Variants in GPR160 observed in about 807,000 individuals in gnomAD.
GPR160 encodes the protein probable G protein-coupled receptor 160.
In GPR160, 2 loss-of-function variants were observed where a neutral mutation model predicts 2.6. That is an observed-to-expected ratio of 0.77 (90% CI 0.32 to 2.44). GPR160 has a LOEUF of 2.44. Ranked by LOEUF, GPR160 falls within the 30% of genes most tolerant of loss-of-function variation. The probability of loss-of-function intolerance (pLI) is 0.11; values close to 1 mark genes in which losing one functional copy is unlikely to be tolerated. For synonymous variants in GPR160, 130 were observed against 132.2 expected (o/e 0.98, Z 0.12); for missense variants, 351 against 383.6 (o/e 0.91, Z 0.71).
intron 2 of GPR160, among the ~76,000 whole-genome samples, chr3:170,058,323 C>A (rs1052255800): frequency 3.9e-5 from 6 of 152,178 alleles, no homozygotes; most frequent in African/African-American, 1.4e-4. Flanking sequence ...TGCTTTCCCA[C>A]AGGAAGTGGG....
chr3:170,070,766 C>G (rs1364945554), intron 2 of GPR160, among the ~76,000 whole-genome samples: 1 of 152,106 alleles, frequency 6.6e-6, no homozygotes. Context: ...TGAGAAGGAA[C>G]ATTTGTTTAA....
Position 170,084,264 on chromosome 3 carries a change from A to G in GPR160, c.292A>G (p.Thr98Ala), listed in dbSNP as rs752908305. 6.2e-7 allele frequency: 1 copy of G among 1,608,544 alleles called. No individual in the cohort carries two copies. Among genetic ancestry groups the G allele is most frequent in the African/African-American group, 1.3e-5 (1 of 74,896 alleles). Residue 98 changes from threonine to alanine, a missense_variant, in exon 4 of 4, where the codon ACT becomes GCT. Coordinates refer to ENST00000355897, the MANE Select transcript of GPR160 (RefSeq NM_014373.3). Reference protein sequence around the residue: ...RFTKYHICLFTQIISFTYGFL... With the variant: ...RFTKYHICLFAQIISFTYGFL... The stretch of plus-strand genomic sequence containing the variant: ...CACTAAATACCACATCTGCCTATTT[A>G]CTCAAATTATTTCCTTTACTTATGG...
At chr3:170,073,878 G>T (rs1712719882) in intron 2 of GPR160, among the ~76,000 whole-genome samples, 1 of 145,756 alleles carries the variant, frequency 6.9e-6, no homozygotes, top group Non-Finnish European at 1.5e-5. Context: ...TTCTTTAATA[G>T]GGATTTTTTT....
Position 170,059,841 on chromosome 3 carries a change from C to G in GPR160, c.-192-19933C>G, listed in dbSNP as rs190298710. Among the ~76,000 whole-genome samples the G allele has an allele frequency of 1.4e-4, 22 of 152,218 alleles. No individual in the cohort carries two copies. The South Asian group carries it at 3.5e-3, about 24-fold the overall frequency. ...TTTTTCCTGATGCTTTTCTTCCCCC[C>G]ACTCCCCCCTCTAGCAGGCCCAAGT... On this transcript the variant is annotated intron_variant, in intron 2 of 3. Transcript: ENST00000355897.
chr3:170,049,693 A>G (rs1716872818), intron 2 of GPR160, among the ~76,000 whole-genome samples: 1 of 152,076 alleles, frequency 6.6e-6, no homozygotes, highest in Non-Finnish European at 1.5e-5. Context: ...GACCTGGGGG[A>G]ATGGAAAGGA....
intron 2 of GPR160, among the ~76,000 whole-genome samples, chr3:170,064,191 C>T (rs575380656): frequency 2.7e-4 from 41 of 152,272 alleles, no homozygotes; most frequent in Admixed American, 1.1e-3. Flanking sequence ...CCAGAAATTA[C>T]GTACTTAATA....
At chr3:170,073,992 GATT>G (rs1712730118) in intron 2 of GPR160, among the ~76,000 whole-genome samples, 1 of 148,108 alleles carries the variant, frequency 6.8e-6, no homozygotes, top group East Asian at 2.0e-4. Flanking sequence ...GGGTTCAAGT[GATT>G]CTCCTGCCTC....
chr3:170,046,587 A>G (rs1262502657), intron 2 of GPR160, among the ~76,000 whole-genome samples: 3 of 152,198 alleles, frequency 2.0e-5, no homozygotes, highest in Non-Finnish European at 4.4e-5. Flanking sequence ...CAGACACAGC[A>G]AAGTACAATG....
intron 2 of GPR160, among the ~76,000 whole-genome samples, chr3:170,075,440 G>C (rs973958587): frequency 2.6e-5 from 4 of 152,008 alleles, no homozygotes; most frequent in Non-Finnish European, 5.9e-5. Flanking sequence ...ATGAGGAATG[G>C]CATTAGTCAG....
At chr3:170,064,514 C>CTTT (rs1175382810) in intron 2 of GPR160, among the ~76,000 whole-genome samples, 1,658 of 80,884 alleles carry the variant, frequency 0.02, 54 homozygotes, top group Admixed American at 0.049. Context: ...CTTTTCTTTT[C>CTTT]TTTTTTTTTT....
intron 2 of GPR160, among the ~76,000 whole-genome samples, chr3:170,073,523 C>T (rs1314865169): frequency 6.6e-6 from 1 of 152,144 alleles, no homozygotes; most frequent in African/African-American, 2.4e-5. Context: ...ATCTGCGTCT[C>T]TTCAGGTGAT....
chr3:170,065,867 G>C (rs1712301479), intron 2 of GPR160, among the ~76,000 whole-genome samples: 1 of 151,852 alleles, frequency 6.6e-6, no homozygotes, highest in African/African-American at 2.4e-5. Context: ...ATGTACTGAA[G>C]TCTTCATCTC....
chr3:170,066,355 GGTCTCAATCT>G (rs1417332830), intron 2 of GPR160, among the ~76,000 whole-genome samples: 3 of 151,776 alleles, frequency 2.0e-5, no homozygotes, highest in Admixed American at 2.0e-4. Flanking sequence ...TAGCCAGGAT[GGTCTCAATCT>G]CCTGACCTCA....
At chr3:170,071,386 T>A (rs774418093) in intron 2 of GPR160, among the ~76,000 whole-genome samples, 6 of 152,208 alleles carry the variant, frequency 3.9e-5, no homozygotes, top group Non-Finnish European at 7.4e-5. Context: ...GTGAGATGCC[T>A]GTTCCCCTTT....
In GPR160 at chr3:170,085,051, G is replaced by A; in HGVS notation, c.*62G>A. 6.8e-6 allele frequency: 6 copies of A among 878,100 alleles called. No individual in the cohort carries two copies. Among genetic ancestry groups the A allele is most frequent in the Non-Finnish European group, 9.8e-6 (6 of 611,236 alleles). The allele number at this position is 878,100 out of a possible 1,614,324, so 54.4% of individuals were successfully genotyped here. ...TAATTTTATGAACAGAAAGAACTCA[G>A]GACATATTAAAAAATAAACTGAACT... On this transcript the variant is annotated 3_prime_UTR_variant, in exon 4 of 4. Coordinates refer to ENST00000355897, the MANE Select transcript of GPR160 (RefSeq NM_014373.3).
chr3:170,041,574 C>G (rs1201621808), intron 2 of GPR160, among the ~76,000 whole-genome samples: 1 of 152,106 alleles, frequency 6.6e-6, no homozygotes, highest in Non-Finnish European at 1.5e-5. Context: ...GCCATCGCGC[C>G]CGGCCGTAAA....
chr3:170,060,027 T>A (rs1309030381), intron 2 of GPR160, among the ~76,000 whole-genome samples: 2 of 152,020 alleles, frequency 1.3e-5, no homozygotes, highest in African/African-American at 4.8e-5. Flanking sequence ...GCCACCCAGA[T>A]TCTAGTTTTA....
chr3:170,062,282 A>AAG, intron 2 of GPR160: 1 of 204,882 alleles, frequency 4.9e-6, no homozygotes, highest in Non-Finnish European at 9.8e-6. Context: ...CGGAGGCAGC[A>AAG]GCGGGGGTGA....
intron 2 of GPR160, among the ~76,000 whole-genome samples, chr3:170,060,367 G>A (rs1476484285): frequency 6.6e-6 from 1 of 152,194 alleles, no homozygotes; most frequent in African/African-American, 2.4e-5. Context: ...ATTCAGGCAA[G>A]GATAATAAAC....
Sources: allele counts gnomAD v4.1 joint callset (sites outside exome capture counted in the v4.1 genomes callset), GRCh38; gene constraint gnomAD v4.1.1; transcripts MANE v1.5; gene names NCBI Gene and HGNC (gene_info 2026-07-23, HGNC 2026-07-21).